Variants in PARPBP observed in about 807,000 individuals in gnomAD.
PARPBP encodes PARP1 binding protein.
PARPBP carries 52 observed loss-of-function variants against 50.0 expected under a neutral mutation model. That is an observed-to-expected ratio of 1.04 (90% CI 0.83 to 1.31). The LOEUF (loss-of-function observed/expected upper bound fraction) is 1.31. Ranked by LOEUF, PARPBP falls within the 50% of genes most tolerant of loss-of-function variation. The pLI, the probability that PARPBP is intolerant of heterozygous loss-of-function variation, is 0.00. For synonymous variants in PARPBP, 244 were observed against 232.1 expected (o/e 1.05, Z -0.47); for missense variants, 697 against 672.0 (o/e 1.04, Z -0.41).
chr12:102,150,555 T>C (rs1886053310), intron 3 of PARPBP, among the ~76,000 whole-genome samples: 1 of 152,198 alleles, frequency 6.6e-6, no homozygotes, highest in Admixed American at 6.5e-5. Context: ...CCCTTCCCTC[T>C]TCACTCCCTA....
At chr12:102,165,544 A>G (rs1490201436) in intron 5 of PARPBP, among the ~76,000 whole-genome samples, 185 bp from the exon 6 acceptor site, 1 of 152,184 alleles carries the variant, frequency 6.6e-6, no homozygotes, top group East Asian at 1.9e-4. Context: ...ACTTGCTAGC[A>G]TGAATTCTGC....
At chr12:102,164,225 T>C (rs2139580798) in intron 4 of PARPBP, among the ~76,000 whole-genome samples, 1 of 152,288 alleles carries the variant, frequency 6.6e-6, no homozygotes, top group East Asian at 1.9e-4. Flanking sequence ...AGGTCTCCCC[T>C]CTGCCTGCCA....
intron 8 of PARPBP, among the ~76,000 whole-genome samples, chr12:102,179,909 C>T (rs958356560): frequency 3.7e-4 from 56 of 151,844 alleles, no homozygotes; most frequent in Admixed American, 9.9e-4. Context: ...ATTATCGTAC[C>T]GCTTGATCTC....
At chr12:102,192,308 A>G (rs1739793357) in intron 9 of PARPBP, among the ~76,000 whole-genome samples, 1 of 152,082 alleles carries the variant, frequency 6.6e-6, no homozygotes, top group Non-Finnish European at 1.5e-5. Flanking sequence ...AACTGCATCC[A>G]ATTCTGATAA....
chr12:102,168,810 A>G (rs1415658554), intron 6 of PARPBP, among the ~76,000 whole-genome samples: 1 of 152,130 alleles, frequency 6.6e-6, no homozygotes, highest in Non-Finnish European at 1.5e-5. Flanking sequence ...TTATCTTATA[A>G]TTTCAACCTC....
Position 102,196,780 on chromosome 12 carries a change from C to G in PARPBP, c.*489C>G. 1 of 1,181,222 alleles carries G rather than the reference C, an allele frequency of 8.5e-7. No individual in the cohort carries two copies. 73.2% of individuals were successfully genotyped at this position (1,181,222 alleles called of 1,614,324 possible). On this transcript the variant is annotated 3_prime_UTR_variant, in exon 11 of 11. Coordinates refer to ENST00000327680, the MANE Select transcript of PARPBP (RefSeq NM_017915.5). ...ATTTATTAAGAAAAAAAGAATGGATCTAGTATAACTAATTCTGAGTAAACC... is the reference window on the plus strand; with the variant it reads ...ATTTATTAAGAAAAAAAGAATGGATGTAGTATAACTAATTCTGAGTAAACC...
Position 102,153,872 on chromosome 12 carries a change from C to G in PARPBP, c.391C>G (p.Gln131Glu). 6.4e-7 allele frequency: 1 copy of G among 1,568,258 alleles called. No individual in the cohort carries two copies. Among genetic ancestry groups the G allele is most frequent in the Non-Finnish European group, 8.8e-7 (1 of 1,138,594 alleles). Residue 131 changes from glutamine (Q) to glutamate (E), a missense_variant, in exon 4 of 11, where the codon CAA (glutamine) becomes GAA (glutamate). Physicochemically the swap from Gln to Glu is conservative, Grantham distance 29. Coordinates refer to ENST00000327680, the MANE Select transcript of PARPBP (RefSeq NM_017915.5). ...CENYNTVSPS[Q>E]LLDFLSGKQY... ...TAATACTCTATGTTTTCTACAGAGT[C>G]AACTACTGGATTTTCTGTCTGGCAA...
intron 2 of PARPBP, among the ~76,000 whole-genome samples, chr12:102,135,882 G>A (rs1234428013): frequency 6.6e-6 from 1 of 152,150 alleles, no homozygotes; most frequent in African/African-American, 2.4e-5. Context: ...TTACCTACAA[G>A]TTTTAGCTTT....
At chr12:102,128,957 AT>A (rs568502285) in intron 2 of PARPBP, among the ~76,000 whole-genome samples, 29 of 150,926 alleles carry the variant, frequency 1.9e-4, no homozygotes, top group Admixed American at 3.3e-4. Flanking sequence ...TTTTCTTCAC[AT>A]TTTTTTTTAA....
chr12:102,183,696 A>C (rs896267390), intron 9 of PARPBP, among the ~76,000 whole-genome samples: 2 of 152,138 alleles, frequency 1.3e-5, no homozygotes, highest in African/African-American at 2.4e-5. Context: ...TTTTCTTGCT[A>C]TGGATACTGA....
chr12:102,155,486 T>C (rs535219515), intron 4 of PARPBP, among the ~76,000 whole-genome samples: 2 of 150,702 alleles, frequency 1.3e-5, no homozygotes, highest in South Asian at 4.2e-4. Flanking sequence ...GGCTTGCAAC[T>C]TAGCTCACAC....
At chr12:102,157,942 A>T (rs1887131998) in intron 4 of PARPBP, among the ~76,000 whole-genome samples, 1 of 151,748 alleles carries the variant, frequency 6.6e-6, no homozygotes, top group Admixed American at 6.6e-5. Flanking sequence ...AACACGGTGA[A>T]CCCTCGTCTC....
intron 2 of PARPBP, among the ~76,000 whole-genome samples, chr12:102,128,895 C>G (rs1006831664): frequency 6.6e-6 from 1 of 152,130 alleles, no homozygotes; most frequent in Non-Finnish European, 1.5e-5. Flanking sequence ...AACTTTCATA[C>G]TGTAATGCTT....
At chr12:102,180,687 C>T (rs1415950973) in intron 8 of PARPBP, among the ~76,000 whole-genome samples, 1 of 152,196 alleles carries the variant, frequency 6.6e-6, no homozygotes, top group Non-Finnish European at 1.5e-5. Flanking sequence ...CACCACTGCA[C>T]TCTCTCCTAG....
intron 9 of PARPBP, among the ~76,000 whole-genome samples, chr12:102,184,224 T>A (rs1890110552): frequency 6.6e-6 from 1 of 152,054 alleles, no homozygotes; most frequent in Non-Finnish European, 1.5e-5. Context: ...GGTGTATATG[T>A]TTATGGGATA....
At chr12:102,179,578 A>G (rs1242520977) in intron 8 of PARPBP, among the ~76,000 whole-genome samples, 2 of 152,186 alleles carry the variant, frequency 1.3e-5, no homozygotes, top group African/African-American at 4.8e-5. Context: ...GTAGAAGCAC[A>G]TGGAGAGAGA....
chr12:102,143,109 C>T (rs184979740), intron 2 of PARPBP, among the ~76,000 whole-genome samples: 62 of 152,286 alleles, frequency 4.1e-4, no homozygotes, highest in African/African-American at 1.4e-3. Context: ...CAGAGGCAGG[C>T]GGGCCTCCTT....
At chr12:102,138,335 C>T (rs1049993359) in intron 2 of PARPBP, among the ~76,000 whole-genome samples, 5 of 152,076 alleles carry the variant, frequency 3.3e-5, no homozygotes, top group Admixed American at 6.6e-5. Context: ...ATCCTTTGTG[C>T]ACTTTTTGAT....
chr12:102,141,511 A>T (rs1884594032), intron 2 of PARPBP, among the ~76,000 whole-genome samples: 1 of 152,134 alleles, frequency 6.6e-6, no homozygotes, highest in African/African-American at 2.4e-5. Flanking sequence ...GTTATGTGTG[A>T]ATTTGATCCT....
Sources: gnomAD v4.1 joint callset for allele counts (sites outside exome capture counted in the v4.1 genomes callset) on GRCh38, gnomAD v4.1.1 for gene constraint, MANE v1.5 for transcripts, NCBI Gene and HGNC (gene_info 2026-07-23, HGNC 2026-07-21) for gene names.